MUC4: variants seen among roughly 807,000 people sequenced by gnomAD.
MUC4 encodes mucin-4.
A neutral mutation model predicts 257.9 loss-of-function variants in MUC4; 202 were observed. The observed-to-expected ratio is 0.78, with a 90% CI of 0.70 to 0.88. MUC4 has a LOEUF of 0.88. Among genes scored for constraint, MUC4 ranks in the 40% least tolerant of loss-of-function variants. The probability of loss-of-function intolerance (pLI) is 0.00; values close to 1 mark genes in which losing one functional copy is unlikely to be tolerated. For missense variants in MUC4, 5,976 were observed against 6,513.7 expected (o/e 0.92, Z 2.84); for synonymous variants, 2,351 against 2,757.1 (o/e 0.85, Z 4.62).
chr3:195,770,042 C>T (rs552010580), intron 6 of MUC4, among the ~76,000 whole-genome samples, 174 bp downstream of exon 6: 52 of 127,080 alleles, frequency 4.1e-4, no homozygotes, highest in African/African-American at 1.4e-3. Flanking sequence ...GCCGGGCCCA[C>T]GGTGAGTGCT....
chr3:195,811,897 C>A lies in MUC4; in HGVS notation c.-80G>T. On this transcript the variant is annotated 5_prime_UTR_variant, in exon 1 of 25. Coordinates refer to ENST00000463781, the MANE Select transcript of MUC4 (RefSeq NM_018406.7). Reference sequence around the variant, plus strand: ...GCAGTGTGAGGAGCAGACGTGAGCCCGTCCCCTCAGGCGGCTGGCCCGAAC... The same window carrying A: ...GCAGTGTGAGGAGCAGACGTGAGCCAGTCCCCTCAGGCGGCTGGCCCGAAC... 1.4e-6 allele frequency: 2 copies of A among 1,416,598 alleles called. No individual in the cohort carries two copies. Among genetic ancestry groups the A allele is most frequent in the East Asian group, 2.3e-5 (1 of 43,046 alleles). The allele number at this position is 1,416,598 out of a possible 1,614,324, so 87.8% of individuals were successfully genotyped here. A position where few individuals can be genotyped will look rare whatever the true frequency, so the allele number is the denominator to read the frequency against.
rs1306077001 is a variant in MUC4, at chr3:195,789,851, C to T, written c.1729G>A (p.Ala577Thr). ...CTGTAGCTTGGGCTGCTGAGAAGAG[C>T]CTCTCCAGTGGTCCCCGTTTCTTGT... ...WTQETGTTGEALLSSPSYSVT... is the reference protein window; with the variant it reads ...WTQETGTTGETLLSSPSYSVT... Residue 577 changes from alanine to threonine, a missense_variant, in exon 2 of 25, where the codon GCT becomes ACT. By Grantham distance (58) the Ala-to-Thr change is moderately conservative. This residue lies in a region of MUC4 where 1,583 missense variants were observed against 1,257.4 expected (regional missense o/e 1.26). Coordinates refer to ENST00000463781, the MANE Select transcript of MUC4 (RefSeq NM_018406.7). The T allele has an allele frequency of 4.3e-6, 7 of 1,613,848 alleles. No individual in the cohort carries two copies. The African/African-American group carries it at 8.0e-5, about 18-fold the overall frequency.
In MUC4 at chr3:195,746,885, CG is replaced by C. The variant is rs376263993; in HGVS notation, c.*290del. The stretch of plus-strand genomic sequence containing the variant: ...TAGGGCCATCACCACATTATGAACT[CG>C]TGTGTGTGTGTGTGTGTGTGCACGC... On this transcript the variant is annotated 3_prime_UTR_variant, in exon 25 of 25. Coordinates refer to ENST00000463781, the MANE Select transcript of MUC4 (RefSeq NM_018406.7). 188,786 of 475,754 alleles carry C rather than the reference CG, an allele frequency of 0.4. 20,601 individuals are homozygous for C. The highest frequency in any genetic ancestry group is 0.72 in the East Asian group (22,260 of 30,978). 29.5% of individuals were successfully genotyped at this position (475,754 alleles called of 1,614,324 possible). A position where few individuals can be genotyped will look rare whatever the true frequency, so the allele number is the denominator to read the frequency against.
At chr3:195,792,629 G>A (rs185223640) in intron 1 of MUC4, among the ~76,000 whole-genome samples, 1 of 152,284 alleles carries the variant, frequency 6.6e-6, no homozygotes, top group Admixed American at 6.5e-5. Context: ...TCCCATTACT[G>A]GGTATATGCC....
In MUC4 at chr3:195,757,398, G is replaced by C. The variant is rs796636788; in HGVS notation, c.14987-70C>G. On this transcript the variant is annotated intron_variant, in intron 17 of 24. Coordinates refer to ENST00000463781, the MANE Select transcript of MUC4 (RefSeq NM_018406.7). This position sits in a 1 kb window ranked among gnomAD's most constrained non-coding sequence, Gnocchi z 4.8. The stretch of plus-strand genomic sequence containing the variant: ...GGCTCTGTGGTCTGATTGCTGATAC[G>C]GGGCTTCCCCCACCCCTCTCAGGCC... The C allele has an allele frequency of 1.2e-5, 17 of 1,444,804 alleles. No individual in the cohort carries two copies. The highest frequency in any genetic ancestry group is 7.0e-5 in the African/African-American group (5 of 71,242). 89.5% of individuals were successfully genotyped at this position (1,444,804 alleles called of 1,614,324 possible).
rs879912912 is a variant in MUC4, at chr3:195,780,236, C to A, written c.11344G>T (p.Ala3782Ser). The A allele has an allele frequency of 5.8e-6, 7 of 1,203,590 alleles. No homozygotes were observed. In the East Asian group the frequency reaches 1.3e-4, roughly 23 times the overall value. 74.6% of individuals were successfully genotyped at this position (1,203,590 alleles called of 1,614,324 possible). A position where few individuals can be genotyped will look rare whatever the true frequency, so the allele number is the denominator to read the frequency against. ...GHATPLPVTD[A>S]SSASTGDTTP... ...GTGTCACCTGTGGATGCTGAGGAAGCGTCGGTGACAGGAAGAGGCGTGGCG... is the reference window on the plus strand; with the variant it reads ...GTGTCACCTGTGGATGCTGAGGAAGAGTCGGTGACAGGAAGAGGCGTGGCG... The change falls in exon 2 of 25, where the codon GCT becomes TCT. Residue 3782 changes from alanine to serine, a missense_variant. Ala to Ser is a moderately conservative substitution (Grantham distance 99). Transcript: ENST00000463781.
intron 1 of MUC4, among the ~76,000 whole-genome samples, chr3:195,807,750 G>A (rs1049475418): frequency 2.8e-4 from 43 of 152,216 alleles, no homozygotes; most frequent in African/African-American, 9.4e-4. Flanking sequence ...TAACAGCACC[G>A]TGAAATCAGA....
At chr3:195,797,916 G>T (rs916463072) in intron 1 of MUC4, among the ~76,000 whole-genome samples, 1 of 151,672 alleles carries the variant, frequency 6.6e-6, no homozygotes, top group Non-Finnish European at 1.5e-5. Context: ...GACCAGCCTG[G>T]GTAACATAGC....
In MUC4 at chr3:195,786,515, C is replaced by T. The variant is rs1433769216; in HGVS notation, c.5065G>A (p.Ala1689Thr). ...TPLPVTGLSSATTDDTTRLPV... is the reference protein window; with the variant it reads ...TPLPVTGLSSTTTDDTTRLPV... ...AGACGGGTGGTGTCATCTGTGGTAGCTGAGGAAAGGCCGGTGACAGGAAGA... is the reference window on the plus strand; with the variant it reads ...AGACGGGTGGTGTCATCTGTGGTAGTTGAGGAAAGGCCGGTGACAGGAAGA... Residue 1689 changes from alanine (A) to threonine (T), a missense_variant, in exon 2 of 25, where the codon GCT (alanine) becomes ACT (threonine). Ala to Thr is a moderately conservative substitution (Grantham distance 58, BLOSUM62 0). This residue lies in a region of MUC4 where 138 missense variants were observed against 107.8 expected (regional missense o/e 1.28). Coordinates refer to ENST00000463781, the MANE Select transcript of MUC4 (RefSeq NM_018406.7). The T allele has an allele frequency of 6.6e-7, 1 of 1,526,288 alleles. No individual in the cohort carries two copies. The highest frequency in any genetic ancestry group is 2.5e-5 in the East Asian group (1 of 40,068). The allele number at this position is 1,526,288 out of a possible 1,614,324, so 94.5% of individuals were successfully genotyped here.
At chr3:195,797,295 T>TAAA (rs1163204781) in intron 1 of MUC4, among the ~76,000 whole-genome samples, 1 of 151,724 alleles carries the variant, frequency 6.6e-6, no homozygotes, top group Non-Finnish European at 1.5e-5. Flanking sequence ...AATAAATATT[T>TAAA]TAAAAGTACA....
rs79986529 is a variant in MUC4, at chr3:195,786,493, C to T, written c.5087G>A (p.Arg1696His). Reference protein sequence around the residue: ...LSSATTDDTTRLPVTDVSSAS... With the variant: ...LSSATTDDTTHLPVTDVSSAS... Reference sequence around the variant, plus strand: ...CGAGGAAACGTCGGTGACAGGAAGACGGGTGGTGTCATCTGTGGTAGCTGA... The same window carrying T: ...CGAGGAAACGTCGGTGACAGGAAGATGGGTGGTGTCATCTGTGGTAGCTGA... Residue 1696 changes from arginine to histidine, a missense_variant, in exon 2 of 25, where the codon CGT (arginine) becomes CAT (histidine). Coordinates refer to ENST00000463781, the MANE Select transcript of MUC4 (RefSeq NM_018406.7). The T allele has an allele frequency of 0.11, 139,010 of 1,319,372 alleles. 17,033 individuals are homozygous for T. Among genetic ancestry groups the T allele is most frequent in the African/African-American group, 0.41 (18,040 of 43,840 alleles). 81.7% of individuals were successfully genotyped at this position (1,319,372 alleles called of 1,614,324 possible).
At position 195,778,771 on chromosome 3, in the gene MUC4, C is replaced by A. The variant is rs746736982; in HGVS notation, c.12790+19G>T. The A allele has an allele frequency of 5.6e-6, 9 of 1,594,560 alleles. No homozygotes were observed. Among genetic ancestry groups the A allele is most frequent in the African/African-American group, 1.3e-5 (1 of 74,816 alleles). On this transcript the variant is annotated intron_variant, in intron 2 of 24. Coordinates refer to ENST00000463781, the MANE Select transcript of MUC4 (RefSeq NM_018406.7). ...AGGGGCCCACTGGGAGACATAAAGG[C>A]GAGGCAGTTGGCAGCTACCTGGTGT... is the stretch of plus-strand genomic sequence containing the variant.
rs80078450 is a variant in MUC4, at chr3:195,755,354, C to T, written c.15169-982G>A. ...GAGATTACAGGCATATGCCACCACGCCCAGCTAATTTTTTGATTTTTAGTA... is the reference window on the plus strand; with the variant it reads ...GAGATTACAGGCATATGCCACCACGTCCAGCTAATTTTTTGATTTTTAGTA... On this transcript the variant is annotated intron_variant, in intron 18 of 24. Transcript: ENST00000463781. The surrounding 1 kb of genome is among the most constrained non-coding windows in gnomAD (Gnocchi z 5.0). 0.022 allele frequency among the ~76,000 whole-genome samples: 3,325 copies of T among 152,126 alleles called. 124 individuals carry two copies. The highest frequency in any genetic ancestry group is 0.073 in the African/African-American group (3,041 of 41,482).
chr3:195,811,655 C>G (rs1259950947), intron 1 of MUC4, 81 bp downstream of exon 1: 5 of 1,266,988 alleles, frequency 3.9e-6, no homozygotes, highest in Non-Finnish European at 3.4e-6. Flanking sequence ...TCTCTGTCTC[C>G]CCGGACCTCT....
chr3:195,802,851 C>T (rs985212868), intron 1 of MUC4, among the ~76,000 whole-genome samples: 18 of 152,178 alleles, frequency 1.2e-4, no homozygotes, highest in Non-Finnish European at 2.4e-4. Flanking sequence ...GCATTTTAAA[C>T]ATGTTTTCCC....
intron 18 of MUC4, among the ~76,000 whole-genome samples, chr3:195,756,594 CTT>C (rs1436464744): frequency 4.1e-5 from 6 of 147,672 alleles, no homozygotes; most frequent in Non-Finnish European, 9.0e-5. Flanking sequence ...TCTCCTTTCC[CTT>C]TCTTTCCTTT....
intron 1 of MUC4, among the ~76,000 whole-genome samples, chr3:195,807,025 A>C (rs545461198): frequency 6.6e-6 from 1 of 152,274 alleles, no homozygotes; most frequent in Admixed American, 6.5e-5. Flanking sequence ...GTCCCTAAAC[A>C]CATACACGGG....
chr3:195,786,647 G>A lies in MUC4; in HGVS notation c.4933C>T (p.His1645Tyr). The A allele has an allele frequency of 1.3e-6, 2 of 1,527,996 alleles. No homozygotes were observed. The highest frequency in any genetic ancestry group is 1.8e-6 in the Non-Finnish European group (2 of 1,136,178). 94.7% of individuals were successfully genotyped at this position (1,527,996 alleles called of 1,614,324 possible). A position where few individuals can be genotyped will look rare whatever the true frequency, so the allele number is the denominator to read the frequency against. Residue 1645 changes from histidine (H) to tyrosine (Y), a missense_variant, in exon 2 of 25, where the codon CAC (histidine) becomes TAC (tyrosine). Physicochemically the swap from His to Tyr is moderately conservative, Grantham distance 83 (BLOSUM62 2). Transcript: ENST00000463781. ...CTGGTGACATGAAGAGGGGTGGCGTGACCTGTGGATAATGAGGAAGCATTG... is the reference window on the plus strand; with the variant it reads ...CTGGTGACATGAAGAGGGGTGGCGTAACCTGTGGATAATGAGGAAGCATTG... ...VTNASSLSTG[H>Y]ATPLHVTSPS...
At position 195,790,543 on chromosome 3, in the gene MUC4, G is replaced by A. The variant is rs201530979; in HGVS notation, c.1037C>T (p.Pro346Leu). The A allele has an allele frequency of 6.3e-4, 1,023 of 1,613,954 alleles. No individual in the cohort carries two copies. The highest frequency in any genetic ancestry group is 1.5e-3 in the Middle Eastern group (9 of 6,062). Residue 346 changes from proline to leucine, a missense_variant, in exon 2 of 25, where the codon CCG becomes CTG. By Grantham distance (98) the Pro-to-Leu change is moderately conservative. Transcript: ENST00000463781. ...GGATAAAACAGTTGATGTTGTAACCGGTGTGAGGGTGTTGAGGGTGTTGAT... is the reference window on the plus strand; with the variant it reads ...GGATAAAACAGTTGATGTTGTAACCAGTGTGAGGGTGTTGAGGGTGTTGAT... ...SQINTLNTLTPVTTSTVLSSP... is the reference protein window; with the variant it reads ...SQINTLNTLTLVTTSTVLSSP...
Sources: allele counts gnomAD v4.1 joint callset (sites outside exome capture counted in the v4.1 genomes callset), GRCh38; gene constraint gnomAD v4.1.1; regional missense constraint gnomAD v4.1.1; non-coding constraint Gnocchi (gnomAD v3.1); transcripts MANE v1.5; gene names NCBI Gene and HGNC (gene_info 2026-07-23, HGNC 2026-07-21).